The following ITPRID1 variants were observed in gnomAD, a reference collection of about 807,000 sequenced individuals.
ITPRID1 encodes ITPR interacting domain containing 1, also known as protein ITPRID1.
A neutral mutation model predicts 95.4 loss-of-function variants in ITPRID1; 96 were observed. That is an observed-to-expected ratio of 1.01 (90% confidence interval 0.85 to 1.19). The LOEUF is 1.19. ITPRID1 is among the 50% of genes most tolerant of loss of function. ITPRID1 has a pLI of 0.00. For synonymous variants in ITPRID1, 510 were observed against 453.6 expected (o/e 1.12, Z -1.58); for missense variants, 1,339 against 1,252.9 (o/e 1.07, Z -1.04).
intron 5 of ITPRID1, among the ~76,000 whole-genome samples, chr7:31,565,620 C>G (rs1425123567): frequency 6.6e-6 from 1 of 152,164 alleles, no homozygotes; most frequent in Non-Finnish European, 1.5e-5. Context: ...TGCTTGTAAT[C>G]TCAGCTACTA....
At chr7:31,590,633 G>A (rs1193539031) in intron 10 of ITPRID1, among the ~76,000 whole-genome samples, 1 of 152,160 alleles carries the variant, frequency 6.6e-6, no homozygotes, top group Non-Finnish European at 1.5e-5. Flanking sequence ...GAAAAAAAAT[G>A]GATGAAGAGA....
chr7:31,625,596 G>T (rs951739102), intron 10 of ITPRID1, among the ~76,000 whole-genome samples: 3 of 152,006 alleles, frequency 2.0e-5, no homozygotes, highest in African/African-American at 7.3e-5. Context: ...CACAGGAGAG[G>T]GAACATCACA....
intron 1 of ITPRID1, among the ~76,000 whole-genome samples, chr7:31,546,656 G>A (rs886405099): frequency 1.3e-5 from 2 of 152,090 alleles, no homozygotes; most frequent in Non-Finnish European, 2.9e-5. Flanking sequence ...CATTTAAATA[G>A]TCATTCATTC....
chr7:31,608,687 TA>T (rs1481975401), intron 10 of ITPRID1, among the ~76,000 whole-genome samples: 3 of 151,812 alleles, frequency 2.0e-5, no homozygotes, highest in African/African-American at 7.2e-5. Context: ...GAAATAAAAT[TA>T]TTTTTTGTAT....
At chr7:31,587,117 T>C (rs1219278728) in intron 10 of ITPRID1, among the ~76,000 whole-genome samples, 1 of 152,144 alleles carries the variant, frequency 6.6e-6, no homozygotes, top group East Asian at 1.9e-4. Context: ...CTTTTCAACA[T>C]AGTGTTGGAA....
chr7:31,516,663 T>A (rs1490823126), intron 1 of ITPRID1, among the ~76,000 whole-genome samples: 1 of 152,204 alleles, frequency 6.6e-6, no homozygotes. Flanking sequence ...AAATAGTACA[T>A]GCTTAGATAA....
chr7:31,625,637 G>C (rs939847697), intron 10 of ITPRID1, among the ~76,000 whole-genome samples: 1 of 152,062 alleles, frequency 6.6e-6, no homozygotes, highest in African/African-American at 2.4e-5. Flanking sequence ...TGGGAGGAGG[G>C]GGGAGGGATA....
intron 5 of ITPRID1, among the ~76,000 whole-genome samples, chr7:31,566,472 TG>T (rs1218546309): frequency 6.6e-6 from 1 of 152,070 alleles, no homozygotes; most frequent in Non-Finnish European, 1.5e-5. Context: ...TAGGTGAAAA[TG>T]GGTGTTCAAA....
In ITPRID1 at chr7:31,569,803, A is replaced by G. The variant is rs374187154; in HGVS notation, c.302A>G (p.Tyr101Cys). The G allele has an allele frequency of 1.6e-5, 26 of 1,584,910 alleles. No individual in the cohort carries two copies. The highest frequency in any genetic ancestry group is 2.2e-5 in the Non-Finnish European group (26 of 1,164,346). ...QGMVQMTVKD[Y>C]MRSLHQFSET... ...ATGGTTCAAATGACTGTGAAAGACT[A>G]CATGAGGTAGGTAGCAGAATCAGTG... The change falls in exon 6 of 15, where the codon TAC (tyrosine) becomes TGC (cysteine). Residue 101 changes from tyrosine to cysteine, a missense_variant. Coordinates refer to ENST00000615280, the MANE Select transcript of ITPRID1 (RefSeq NM_001257967.3).
intron 1 of ITPRID1, among the ~76,000 whole-genome samples, chr7:31,534,507 T>G (rs1022676208): frequency 6.6e-6 from 1 of 152,182 alleles, no homozygotes; most frequent in African/African-American, 2.4e-5. Flanking sequence ...ATGATAACAT[T>G]GCTTTTTTTA....
intron 10 of ITPRID1, among the ~76,000 whole-genome samples, chr7:31,638,957 G>A (rs10226990): frequency 0.8 from 121,255 of 151,922 alleles, 48,539 homozygotes; most frequent in African/African-American, 0.85. Context: ...TGTATTTTTT[G>A]GTAGACACGG....
rs199508649 is a variant in ITPRID1, at chr7:31,643,222, C to T, written c.1852C>T (p.Arg618Ter). ...CCTTCATGTTGACTCTGAGGCCCCA[C>T]GAGAAGAGGAAAGCAGTGGATTCTG... ...KFLHVDSEAP[R>*]EEESSGFCPH... The change falls in exon 12 of 15, where the codon CGA (arginine) becomes TGA (stop). Residue 618 changes from arginine (R) to a stop codon, truncating the protein, a stop_gained. Coordinates refer to ENST00000615280, the MANE Select transcript of ITPRID1 (RefSeq NM_001257967.3). LOFTEE classifies it high-confidence loss of function. 22 of 1,613,914 alleles carry T rather than the reference C, an allele frequency of 1.4e-5. No homozygotes were observed. Among genetic ancestry groups the T allele is most frequent in the Middle Eastern group, 1.6e-4 (1 of 6,062 alleles).
chr7:31,517,658 C>CCGT (rs1783090575), intron 1 of ITPRID1: 1 of 152,660 alleles, frequency 6.6e-6, no homozygotes, highest in Non-Finnish European at 1.5e-5. Context: ...CCAGCGAGGT[C>CCGT]CGTGCGCAGC....
Position 31,574,741 on chromosome 7 carries a change from C to A in ITPRID1, c.597C>A (p.Tyr199Ter). ...QRMDIENPNL[Y>*]GRFRQLEILD... ...TGGACATTGAGAACCCCAACTTGTA[C>A]GGTAAGCGAGGTGCCTGTGGCATTC... The change falls in exon 8 of 15, where the codon TAC becomes TAA. Residue 199 changes from tyrosine to a stop codon, truncating the protein, a stop_gained and splice_region_variant. Transcript: ENST00000615280. LOFTEE classifies it high-confidence loss of function. 4.3e-6 allele frequency: 7 copies of A among 1,613,516 alleles called. No homozygotes were observed. Among genetic ancestry groups the A allele is most frequent in the Non-Finnish European group, 5.9e-6 (7 of 1,179,664 alleles).
chr7:31,544,685 A>C (rs1450798019), intron 1 of ITPRID1, among the ~76,000 whole-genome samples: 1 of 152,160 alleles, frequency 6.6e-6, no homozygotes, highest in Non-Finnish European at 1.5e-5. Flanking sequence ...AATTAAATGT[A>C]ATCTCCTCCA....
chr7:31,580,253 G>A (rs933196861), intron 9 of ITPRID1, among the ~76,000 whole-genome samples: 3 of 143,500 alleles, frequency 2.1e-5, no homozygotes, highest in Admixed American at 7.3e-5. Context: ...AGCCGAGATC[G>A]CACCACTGCT....
chr7:31,637,805 C>T (rs1789634264), intron 10 of ITPRID1, among the ~76,000 whole-genome samples: 3 of 152,196 alleles, frequency 2.0e-5, no homozygotes, highest in Admixed American at 6.5e-5. Context: ...ACATGAAGTC[C>T]TTGCCCATGC....
At chr7:31,546,926 T>A (rs908405525) in intron 1 of ITPRID1, among the ~76,000 whole-genome samples, 1 of 152,064 alleles carries the variant, frequency 6.6e-6, no homozygotes, top group East Asian at 1.9e-4. Context: ...ACTCAAAATT[T>A]AGAGATTGGA....
chr7:31,588,084 C>G (rs1293302917), intron 10 of ITPRID1, among the ~76,000 whole-genome samples: 1 of 152,078 alleles, frequency 6.6e-6, no homozygotes, highest in East Asian at 1.9e-4. Context: ...ATACACAATG[C>G]TTGATTCTGT....
Sources: allele counts gnomAD v4.1 joint callset (sites outside exome capture counted in the v4.1 genomes callset), GRCh38; gene constraint gnomAD v4.1.1; transcripts MANE v1.5; gene names NCBI Gene and HGNC (gene_info 2026-07-23, HGNC 2026-07-21).